Variants in RHOJ observed in about 807,000 individuals in gnomAD.
The protein encoded by RHOJ is rho-related GTP-binding protein RhoJ.
RHOJ carries 11 observed loss-of-function variants against 23.4 expected under a neutral mutation model. That is an observed-to-expected ratio of 0.47 (90% CI 0.30 to 0.78). The LOEUF is 0.78. Among genes scored for constraint, RHOJ ranks in the 30% least tolerant of loss-of-function variants. The pLI is 0.08. For missense variants in RHOJ, 254 were observed against 273.4 expected (o/e 0.93, Z 0.50); for synonymous variants, 102 against 102.7 (o/e 0.99, Z 0.04).
chr14:63,264,846 CTT>C (rs1416297277), intron 1 of RHOJ, among the ~76,000 whole-genome samples: 1 of 152,100 alleles, frequency 6.6e-6, no homozygotes, highest in Admixed American at 6.5e-5. Context: ...CTGTTCATGT[CTT>C]TATTAAAAAG....
chr14:63,266,429 G>A (rs1895368409), intron 1 of RHOJ, among the ~76,000 whole-genome samples: 1 of 152,156 alleles, frequency 6.6e-6, no homozygotes, highest in Admixed American at 6.5e-5. Context: ...ACCAAGAGGA[G>A]GGTTCCATTC....
chr14:63,215,950 T>G (rs560206409), intron 1 of RHOJ, among the ~76,000 whole-genome samples: 1 of 152,280 alleles, frequency 6.6e-6, no homozygotes, highest in Admixed American at 6.5e-5. Flanking sequence ...TCTTAACCAG[T>G]GCACTACACT....
intron 1 of RHOJ, among the ~76,000 whole-genome samples, chr14:63,226,117 C>T (rs1894590195): frequency 6.6e-6 from 1 of 152,002 alleles, no homozygotes; most frequent in Non-Finnish European, 1.5e-5. Flanking sequence ...ACTAGTATTG[C>T]ACTTAAAGGT....
intron 1 of RHOJ, 27 bp from the exon 2 acceptor site, chr14:63,269,083 C>CTTCTT (rs1566625719): frequency 6.3e-7 from 1 of 1,577,932 alleles, no homozygotes; most frequent in Non-Finnish European, 8.7e-7. Context: ...GGACTCTCCT[C>CTTCTT]TTCTTTTCTT....
At chr14:63,287,198 C>A (rs1239815934) in intron 4 of RHOJ, among the ~76,000 whole-genome samples, 1 of 152,198 alleles carries the variant, frequency 6.6e-6, no homozygotes. Context: ...GCCACAATTT[C>A]ATGACATTTG....
At chr14:63,247,626 T>C (rs1594764254) in intron 1 of RHOJ, among the ~76,000 whole-genome samples, 2 of 152,328 alleles carry the variant, frequency 1.3e-5, no homozygotes, top group South Asian at 4.1e-4. Flanking sequence ...CATATTTGAA[T>C]GTGCCCTTGG....
At chr14:63,261,275 C>G (rs1448749999) in intron 1 of RHOJ, among the ~76,000 whole-genome samples, 2 of 151,844 alleles carry the variant, frequency 1.3e-5, no homozygotes, top group African/African-American at 2.4e-5. Context: ...GTTTATGTAT[C>G]AAAGATATAA....
intron 1 of RHOJ, among the ~76,000 whole-genome samples, chr14:63,221,337 T>TAC (rs1491078516): frequency 6.6e-6 from 1 of 151,322 alleles, no homozygotes; most frequent in Non-Finnish European, 1.5e-5. Flanking sequence ...TCAAAATATG[T>TAC]ATATATATAT....
At chr14:63,275,507 A>G (rs1881688629) in intron 2 of RHOJ, among the ~76,000 whole-genome samples, 1 of 152,090 alleles carries the variant, frequency 6.6e-6, no homozygotes, top group African/African-American at 2.4e-5. Flanking sequence ...GTGTTTCATA[A>G]TCACCCACAG....
Position 63,291,270 on chromosome 14 carries a change from T to A in RHOJ, c.*246T>A. ...AATGCTGGGCCTGGATTGCAGACAG[T>A]GCCGCTGCTGATCGCATCAAAAACA... On this transcript the variant is annotated 3_prime_UTR_variant, in exon 5 of 5. Coordinates refer to ENST00000316754, the MANE Select transcript of RHOJ (RefSeq NM_020663.5). The A allele has an allele frequency of 1.9e-6, 1 of 529,394 alleles. No homozygotes were observed. The highest frequency in any genetic ancestry group is 3.4e-6 in the Non-Finnish European group (1 of 291,684). The allele number at this position is 529,394 out of a possible 1,614,324, so 32.8% of individuals were successfully genotyped here.
chr14:63,204,801 C>T lies in RHOJ; in HGVS notation c.-69C>T, dbSNP rs1894069825. 1 of 1,515,330 alleles carries T rather than the reference C, an allele frequency of 6.6e-7. No homozygotes were observed. Among genetic ancestry groups the T allele is most frequent in the South Asian group, 1.2e-5 (1 of 83,248 alleles). 93.9% of individuals were successfully genotyped at this position (1,515,330 alleles called of 1,614,324 possible). On this transcript the variant is annotated 5_prime_UTR_variant, in exon 1 of 5. Coordinates refer to ENST00000316754, the MANE Select transcript of RHOJ (RefSeq NM_020663.5). ...CAAGCCTGGCACTGGCTTTCTGCCGCTTCATGTGCTTTGGAAAAAGCAGGA... is the reference window on the plus strand; with the variant it reads ...CAAGCCTGGCACTGGCTTTCTGCCGTTTCATGTGCTTTGGAAAAAGCAGGA...
intron 1 of RHOJ, among the ~76,000 whole-genome samples, chr14:63,242,594 G>C (rs927303292): frequency 2.0e-5 from 3 of 152,120 alleles, no homozygotes; most frequent in Non-Finnish European, 4.4e-5. Context: ...AGGGGGTTTT[G>C]TTGGGAGTTG....
At chr14:63,210,719 A>G (rs947058908) in intron 1 of RHOJ, among the ~76,000 whole-genome samples, 2 of 152,246 alleles carry the variant, frequency 1.3e-5, no homozygotes, top group Non-Finnish European at 2.9e-5. Flanking sequence ...CACTTGACAT[A>G]TAGCATAAGG....
At chr14:63,288,384 T>G (rs1882150857) in intron 4 of RHOJ, 1 of 964,640 alleles carries the variant, frequency 1.0e-6, no homozygotes, top group African/African-American at 1.8e-5. Flanking sequence ...TTGGGATCCT[T>G]AGTGGAGAGG....
At chr14:63,253,630 A>G (rs1368184307) in intron 1 of RHOJ, among the ~76,000 whole-genome samples, 2 of 152,086 alleles carry the variant, frequency 1.3e-5, no homozygotes, top group Non-Finnish European at 2.9e-5. Flanking sequence ...AGCCATTTCT[A>G]TTTTTAGGCA....
rs140656204 is a variant in RHOJ at position 63,224,371 on chromosome 14, T to G, written c.178+19324T>G. Among the ~76,000 whole-genome samples the G allele has an allele frequency of 2.4e-3, 364 of 152,326 alleles. 1 individual carries two copies. Among genetic ancestry groups the G allele is most frequent in the African/African-American group, 7.9e-3 (328 of 41,566 alleles). ...AACTGGAGGTCTCTGCTTCATGTAC[T>G]GTAACTCATGCGCACGGTCTTGTTC... On this transcript the variant is annotated intron_variant, in intron 1 of 4. Transcript: ENST00000316754.
chr14:63,222,672 G>A (rs1006569222), intron 1 of RHOJ, among the ~76,000 whole-genome samples: 1 of 152,072 alleles, frequency 6.6e-6, no homozygotes, highest in African/African-American at 2.4e-5. Context: ...TGATGGGGTT[G>A]TTTGTTTTTT....
At chr14:63,206,952 C>T (rs1360024363) in intron 1 of RHOJ, among the ~76,000 whole-genome samples, 1 of 151,918 alleles carries the variant, frequency 6.6e-6, no homozygotes, top group Non-Finnish European at 1.5e-5. Flanking sequence ...CATGTGGTTT[C>T]AGTAAGGTTA....
At chr14:63,216,164 TTA>T (rs1177619005) in intron 1 of RHOJ, among the ~76,000 whole-genome samples, 1 of 152,206 alleles carries the variant, frequency 6.6e-6, no homozygotes, top group Admixed American at 6.5e-5. Context: ...AATTTTAAGC[TTA>T]TGAGTTCTGA....
Sources: gnomAD v4.1 joint callset for allele counts (sites outside exome capture counted in the v4.1 genomes callset) on GRCh38, gnomAD v4.1.1 for gene constraint, MANE v1.5 for transcripts, NCBI Gene and HGNC (gene_info 2026-07-23, HGNC 2026-07-21) for gene names.